AASDH: variants seen among roughly 807,000 people sequenced by gnomAD.
AASDH encodes the protein beta-alanine-activating enzyme.
AASDH carries 81 observed loss-of-function variants against 102.3 expected under a neutral mutation model. The ratio of observed to expected loss-of-function variants is 0.79; its 90% CI spans 0.66 to 0.95. The LOEUF is 0.95. AASDH is among the 40% of genes least tolerant of loss of function. AASDH has a pLI of 0.00. For synonymous variants in AASDH, 398 were observed against 454.0 expected, an observed-to-expected ratio of 0.88 and a Z score of 1.57; for missense variants, 1,203 against 1,266.2, an observed-to-expected ratio of 0.95 and a Z score of 0.76.
chr4:56,356,393 G>C, intron 5 of AASDH: 1 of 1,592,894 alleles, frequency 6.3e-7, no homozygotes, highest in Admixed American at 1.7e-5. Context: ...CCCAGGCCCT[G>C]GACCGCCAAA....
At chr4:56,361,590 T>C (rs576165014) in intron 5 of AASDH, among the ~76,000 whole-genome samples, 2 of 151,862 alleles carry the variant, frequency 1.3e-5, no homozygotes, top group East Asian at 3.9e-4. Context: ...TTCTTCCGAG[T>C]TTTTTAAGGA....
chr4:56,351,123 C>T (rs751235974), intron 10 of AASDH, among the ~76,000 whole-genome samples: 1 of 152,178 alleles, frequency 6.6e-6, no homozygotes, highest in Non-Finnish European at 1.5e-5. Flanking sequence ...GACTACTTCA[C>T]TTTCAATAAA....
chr4:56,378,066 A>G (rs1463126452), intron 4 of AASDH, 82 bp downstream of exon 4: 4 of 1,377,178 alleles, frequency 2.9e-6, no homozygotes, highest in Middle Eastern at 1.9e-4. Context: ...TCAGCCTCCC[A>G]AAGTGCTGGG....
chr4:56,371,974 T>G (rs1468214190), intron 4 of AASDH, among the ~76,000 whole-genome samples: 1 of 152,212 alleles, frequency 6.6e-6, no homozygotes, highest in African/African-American at 2.4e-5. Context: ...ACAAGGGATA[T>G]TCTCTTGAGA....
At chr4:56,353,049 G>A (rs532980461) in intron 9 of AASDH, among the ~76,000 whole-genome samples, 2 of 151,294 alleles carry the variant, frequency 1.3e-5, no homozygotes, top group Non-Finnish European at 2.9e-5. Flanking sequence ...GGAGTATAGT[G>A]GTTATTTACA....
At chr4:56,374,420 CCTT>C (rs1752124396) in intron 4 of AASDH, among the ~76,000 whole-genome samples, 3 of 144,748 alleles carry the variant, frequency 2.1e-5, no homozygotes, top group South Asian at 4.5e-4. Flanking sequence ...AATGCAGAAA[CCTT>C]CTTGGAGCTT....
At chr4:56,348,072 A>G (rs2109866302) in intron 11 of AASDH, among the ~76,000 whole-genome samples, 1 of 151,326 alleles carries the variant, frequency 6.6e-6, no homozygotes, top group South Asian at 2.1e-4. Context: ...AATCACTTGA[A>G]CCCGGGAGGT....
At chr4:56,370,879 A>G (rs183292790) in intron 5 of AASDH, among the ~76,000 whole-genome samples, 24 of 152,322 alleles carry the variant, frequency 1.6e-4, no homozygotes, top group Admixed American at 1.4e-3. Flanking sequence ...TGCATATAAT[A>G]TTGCTAATTC....
In AASDH at chr4:56,354,195, C is replaced by T; in HGVS notation, c.1227G>A (p.Val409=). 1 of 1,576,796 alleles carries T rather than the reference C, an allele frequency of 6.3e-7. No individual in the cohort carries two copies. Among genetic ancestry groups the T allele is most frequent in the Non-Finnish European group, 8.6e-7 (1 of 1,160,284 alleles). ...GQVFLGGRNR[V]CFLDDEVTVP... is the part of the protein sequence containing the mutation. ...CTGTCACTTCATCATCAAGAAAACA[C>T]ACTCTGTTTCTGCCACCTTCCCAAG... Residue 409 remains valine (V), a synonymous_variant, in exon 8 of 15, where the codon GTG becomes GTA. Transcript: ENST00000205214.
In AASDH at chr4:56,343,627, A is replaced by G; in HGVS notation, c.2710T>C (p.Leu904=). The stretch of plus-strand genomic sequence containing the variant: ...TACAAATGATGTGGAATCAGGTTCA[A>G]ACACGGAGAGGAAAAGACAGTTCCT... ...CGGTVFSSPC[L]NLIPHHLYFA... The change falls in exon 13 of 15, where the codon TTG becomes CTG. Residue 904 remains leucine, a synonymous_variant. Transcript: ENST00000205214. 6.2e-7 allele frequency: 1 copy of G among 1,611,478 alleles called. No homozygotes were observed. Among genetic ancestry groups the G allele is most frequent in the Admixed American group, 1.7e-5 (1 of 59,746 alleles).
At chr4:56,375,948 CCTA>C (rs1442432650) in intron 4 of AASDH, among the ~76,000 whole-genome samples, 1 of 151,812 alleles carries the variant, frequency 6.6e-6, no homozygotes, top group Non-Finnish European at 1.5e-5. Flanking sequence ...TGTTAATACT[CCTA>C]CTACTAATTC....
At chr4:56,367,963 T>C (rs1422403987) in intron 5 of AASDH, among the ~76,000 whole-genome samples, 3 of 152,098 alleles carry the variant, frequency 2.0e-5, no homozygotes, top group Non-Finnish European at 4.4e-5. Flanking sequence ...TTCTGCAACC[T>C]ACTCATCTGA....
At chr4:56,354,278 AC>A in intron 7 of AASDH, 67 bp from the exon 8 acceptor site, 1 of 1,380,966 alleles carries the variant, frequency 7.2e-7, no homozygotes, top group Non-Finnish European at 9.6e-7. Flanking sequence ...CATAAAATCA[AC>A]ATCTCCAAAA....
At position 56,351,353 on chromosome 4, in the gene AASDH, A is replaced by T; in HGVS notation, c.1681T>A (p.Tyr561Asn). 6.4e-7 allele frequency: 1 copy of T among 1,570,756 alleles called. No homozygotes were observed. The highest frequency in any genetic ancestry group is 8.7e-7 in the Non-Finnish European group (1 of 1,145,278). The part of the protein sequence containing the change: ...GKEDLWEKLQ[Y>N]LWKSTLNLPE... ...CTTAAAAATTGTACCTTCCACAAATACTGTAATTTTTCCCAAAGGTCCTCT... is the reference window on the plus strand; with the variant it reads ...CTTAAAAATTGTACCTTCCACAAATTCTGTAATTTTTCCCAAAGGTCCTCT... The change falls in exon 10 of 15, where the codon TAT (tyrosine) becomes AAT (asparagine). Residue 561 changes from tyrosine (Y) to asparagine (N), a missense_variant. Physicochemically the swap from Tyr to Asn is moderately radical, Grantham distance 143 (BLOSUM62 -2). Transcript: ENST00000205214.
chr4:56,355,221 A>G lies in AASDH; in HGVS notation c.1064T>C (p.Ile355Thr). 1 of 1,614,050 alleles carries G rather than the reference A, an allele frequency of 6.2e-7. No individual in the cohort carries two copies. The highest frequency in any genetic ancestry group is 1.1e-5 in the South Asian group (1 of 91,076). Residue 355 changes from isoleucine (I) to threonine (T), a missense_variant, in exon 6 of 15, where the codon ATT (isoleucine) becomes ACT (threonine). By Grantham distance (89) the Ile-to-Thr change is moderately conservative. Transcript: ENST00000205214. ...GITEVSSWAT[I>T]YRIPEKTLNS... Reference sequence around the variant, plus strand: ...AAGAGTCTTCTCTGGAATCCTATAAATGGTCGCCCAACTTGATACCTCTGT... The same window carrying G: ...AAGAGTCTTCTCTGGAATCCTATAAGTGGTCGCCCAACTTGATACCTCTGT...
In AASDH at chr4:56,345,884, C is replaced by T. The variant is rs78779038; in HGVS notation, c.2489-594G>A. Among the ~76,000 whole-genome samples the T allele has an allele frequency of 2.0e-5, 3 of 152,292 alleles. No individual in the cohort carries two copies. The East Asian group carries it at 5.8e-4, about 29-fold the overall frequency. The stretch of plus-strand genomic sequence containing the variant: ...CACAGTGAAGTAAGTACTATTATAA[C>T]CACATTTTATAGATAACAAAATTGA... On this transcript the variant is annotated intron_variant, in intron 11 of 14. Coordinates refer to ENST00000205214, the MANE Select transcript of AASDH (RefSeq NM_181806.4).
chr4:56,358,940 T>C (rs1357436604), intron 5 of AASDH, among the ~76,000 whole-genome samples: 2 of 152,244 alleles, frequency 1.3e-5, no homozygotes. Context: ...TCTACTTATG[T>C]TTTCAATTTT....
At chr4:56,383,174 T>G (rs1008286665) in intron 2 of AASDH, among the ~76,000 whole-genome samples, 3 of 152,204 alleles carry the variant, frequency 2.0e-5, no homozygotes, top group Non-Finnish European at 4.4e-5. Flanking sequence ...TTTTTTAAAG[T>G]TAAGCATTTT....
At chr4:56,363,691 G>C (rs1440490142) in intron 5 of AASDH, among the ~76,000 whole-genome samples, 1 of 152,056 alleles carries the variant, frequency 6.6e-6, no homozygotes, top group African/African-American at 2.4e-5. Flanking sequence ...CTAACAAACA[G>C]AAAGGACATC....
Sources: allele counts gnomAD v4.1 joint callset (sites outside exome capture counted in the v4.1 genomes callset), GRCh38; gene constraint gnomAD v4.1.1; transcripts MANE v1.5; gene names NCBI Gene and HGNC (gene_info 2026-07-23, HGNC 2026-07-21).